ALPK1: variants seen among roughly 807,000 people sequenced by gnomAD.
The protein encoded by ALPK1 is alpha kinase 1, also known as alpha-protein kinase 1.
In ALPK1, 110 loss-of-function variants were observed where a neutral mutation model predicts 120.6. The ratio of observed to expected loss-of-function variants is 0.91; its 90% CI spans 0.78 to 1.07. The LOEUF (loss-of-function observed/expected upper bound fraction) is 1.07, where lower values mean the gene tolerates loss of function less well. Ranked by LOEUF, ALPK1 falls within the 50% of genes least tolerant of loss-of-function variation. ALPK1 has a pLI of 0.00. For synonymous variants in ALPK1, 582 were observed against 560.3 expected (o/e 1.04, Z -0.55); for missense variants, 1,498 against 1,483.9 (o/e 1.01, Z -0.16).
chr4:112,367,231 T>C (rs994095732), intron 2 of ALPK1, among the ~76,000 whole-genome samples: 1 of 152,186 alleles, frequency 6.6e-6, no homozygotes, highest in Admixed American at 6.5e-5. Flanking sequence ...AGGTAGATTA[T>C]GAAACAGTGT....
chr4:112,313,395 T>C (rs1020639639), intron 1 of ALPK1, among the ~76,000 whole-genome samples: 2 of 152,012 alleles, frequency 1.3e-5, no homozygotes, highest in Non-Finnish European at 2.9e-5. Flanking sequence ...ATGTCACATG[T>C]TTTTGGCACA....
chr4:112,381,637 A>C (rs1023447925), intron 3 of ALPK1, among the ~76,000 whole-genome samples: 2 of 152,350 alleles, frequency 1.3e-5, no homozygotes, highest in African/African-American at 4.8e-5. Flanking sequence ...CAAACACAAA[A>C]AATTTTGCAG....
intron 2 of ALPK1, among the ~76,000 whole-genome samples, chr4:112,336,762 C>G (rs186847469): frequency 8.5e-5 from 13 of 152,222 alleles, no homozygotes; most frequent in Admixed American, 5.2e-4. Flanking sequence ...ATAAAATGAA[C>G]TAGGAATGTC....
At position 112,441,606 on chromosome 4, in the gene ALPK1, G is replaced by T; in HGVS notation, c.*396G>T. The T allele has an allele frequency of 5.5e-6, 1 of 183,398 alleles. No individual in the cohort carries two copies. Among genetic ancestry groups the T allele is most frequent in the Non-Finnish European group, 1.1e-5 (1 of 88,218 alleles). The allele number at this position is 183,398 out of a possible 1,614,324, so 11.4% of individuals were successfully genotyped here. A position where few individuals can be genotyped will look rare whatever the true frequency, so the allele number is the denominator to read the frequency against. On this transcript the variant is annotated 3_prime_UTR_variant, in exon 16 of 16. Transcript: ENST00000650871. ...AAAAAAATGTGAGCCTTTGTGATAC[G>T]AATTCAATTTGTTTTCCTGTCTTTT...
At chr4:112,358,745 G>T in intron 2 of ALPK1, 3 of 798,896 alleles carry the variant, frequency 3.8e-6, no homozygotes, top group Non-Finnish European at 6.9e-6. Context: ...ACTCGGAGGA[G>T]CCCGTGGCTG....
chr4:112,435,324 T>C (rs1734743947), intron 12 of ALPK1, 23 bp downstream of exon 12: 2 of 1,594,624 alleles, frequency 1.3e-6, no homozygotes, highest in Non-Finnish European at 1.7e-6. Flanking sequence ...AACATTTGTA[T>C]AACTAATGTA....
intron 1 of ALPK1, among the ~76,000 whole-genome samples, chr4:112,306,296 A>G (rs1043478540): frequency 5.8e-4 from 88 of 152,018 alleles, no homozygotes; most frequent in African/African-American, 2.1e-3. Flanking sequence ...CTCTTTTTCT[A>G]TTGATTGGAA....
chr4:112,400,150 T>C (rs1732841942), intron 4 of ALPK1, among the ~76,000 whole-genome samples: 1 of 152,208 alleles, frequency 6.6e-6, no homozygotes. Context: ...TATTTCTGGT[T>C]CCAGATTATT....
chr4:112,359,741 C>T (rs545293602), intron 2 of ALPK1: 61 of 332,682 alleles, frequency 1.8e-4, no homozygotes, highest in African/African-American at 1.3e-3. Flanking sequence ...CTGAGTGGGG[C>T]CTCTAGGACG....
intron 2 of ALPK1, among the ~76,000 whole-genome samples, chr4:112,348,394 C>T (rs139105444): frequency 1.1e-4 from 17 of 152,328 alleles, no homozygotes; most frequent in East Asian, 3.9e-4. Flanking sequence ...GGTGCTTAGG[C>T]GCGGTGTCGA....
chr4:112,335,967 G>T (rs184118519), intron 2 of ALPK1, among the ~76,000 whole-genome samples: 4 of 152,024 alleles, frequency 2.6e-5, no homozygotes, highest in African/African-American at 9.6e-5. Flanking sequence ...TCTTTCATGG[G>T]GCTTTGCATT....
intron 2 of ALPK1, chr4:112,352,743 A>T (rs1730417266): frequency 6.6e-6 from 1 of 152,206 alleles, no homozygotes; most frequent in Non-Finnish European, 1.5e-5. Context: ...TTGTTTGGTT[A>T]TAATGTTTGT....
At chr4:112,416,000 A>G (rs1023223043) in intron 5 of ALPK1, among the ~76,000 whole-genome samples, 2 of 152,250 alleles carry the variant, frequency 1.3e-5, no homozygotes, top group Admixed American at 6.5e-5. Flanking sequence ...GCAAATCATA[A>G]TAAAAATTTC....
chr4:112,435,331 T>C (rs756340471), intron 12 of ALPK1, 30 bp downstream of exon 12: 27 of 1,595,320 alleles, frequency 1.7e-5, no homozygotes, highest in South Asian at 2.3e-5. Context: ...GTATAACTAA[T>C]GTAAGATGAG....
chr4:112,367,095 G>A (rs923464221), intron 2 of ALPK1, among the ~76,000 whole-genome samples: 1 of 152,222 alleles, frequency 6.6e-6, no homozygotes, highest in Admixed American at 6.5e-5. Flanking sequence ...ATTGGGTACA[G>A]TGTACAGTGT....
intron 2 of ALPK1, among the ~76,000 whole-genome samples, chr4:112,321,369 T>C (rs1355154865): frequency 6.6e-6 from 1 of 152,248 alleles, no homozygotes; most frequent in Non-Finnish European, 1.5e-5. Context: ...ATCTTTGTTA[T>C]GTCTTTTCTT....
chr4:112,298,676 T>C (rs1257616555), intron 1 of ALPK1, among the ~76,000 whole-genome samples: 1 of 152,172 alleles, frequency 6.6e-6, no homozygotes, highest in Non-Finnish European at 1.5e-5. Context: ...AGAAAAGGCA[T>C]GTGTAAATTA....
chr4:112,400,182 A>G (rs1210517499), intron 4 of ALPK1, among the ~76,000 whole-genome samples: 1 of 152,210 alleles, frequency 6.6e-6, no homozygotes, highest in Non-Finnish European at 1.5e-5. Flanking sequence ...GGATGCTATT[A>G]CAACATGTTT....
chr4:112,412,015 C>T lies in ALPK1; in HGVS notation c.465C>T (p.Ser155=), dbSNP rs146381479. The T allele has an allele frequency of 2.5e-6, 4 of 1,614,028 alleles. No individual in the cohort carries two copies. The highest frequency in any genetic ancestry group is 1.1e-5 in the South Asian group (1 of 91,084). The change falls in exon 5 of 16, where the codon TCC becomes TCT. Residue 155 remains serine, a synonymous_variant. Coordinates refer to ENST00000650871, the MANE Select transcript of ALPK1 (RefSeq NM_025144.4). ...TGGTTATTCGCCAAGCCCGAATCTC[C>T]GTGAACTCAGGTATGCTCCCTCCTG... is the stretch of plus-strand genomic sequence containing the variant. ...PQVVIRQARI[S]VNSGKLLKAE... is the part of the protein sequence containing the mutation.
Sources: gnomAD v4.1 joint callset for allele counts (sites outside exome capture counted in the v4.1 genomes callset) on GRCh38, gnomAD v4.1.1 for gene constraint, MANE v1.5 for transcripts, NCBI Gene and HGNC (gene_info 2026-07-23, HGNC 2026-07-21) for gene names.